The following EMILIN2 variants were observed in gnomAD, a reference collection of about 807,000 sequenced individuals.
EMILIN2 encodes elastin microfibril interfacer 2, also known as EMILIN-2.
EMILIN2 carries 71 observed loss-of-function variants against 87.1 expected under a neutral mutation model. The observed-to-expected ratio is 0.82, with a 90% confidence interval of 0.67 to 0.99. The LOEUF (loss-of-function observed/expected upper bound fraction) is 0.99, where lower values mean the gene tolerates loss of function less well. Among genes scored for constraint, EMILIN2 ranks in the 50% least tolerant of loss-of-function variants. The pLI is 0.00. For missense variants in EMILIN2, 1,407 were observed against 1,371.8 expected, an observed-to-expected ratio of 1.03 and a Z score of -0.40; for synonymous variants, 581 against 563.4, an observed-to-expected ratio of 1.03 and a Z score of -0.44.
Position 2,890,214 on chromosome 18 carries a change from C to G in EMILIN2, c.434-347C>G, listed in dbSNP as rs938111374. Among the ~76,000 whole-genome samples, 2 of 151,998 alleles carry G rather than the reference C, an allele frequency of 1.3e-5. No individual in the cohort carries two copies. The highest frequency in any genetic ancestry group is 6.6e-5 in the Admixed American group (1 of 15,248). ...GATAAAGCGGATAATGAATATTTCC[C>G]CTCAGGGTGAAAGAGACCATTGATT... On this transcript the variant is annotated intron_variant, in intron 3 of 7. Transcript: ENST00000254528. The surrounding 1 kb of genome is among the most constrained non-coding windows in gnomAD (Gnocchi z 4.7).
At position 2,848,021 on chromosome 18, in the gene EMILIN2, C is replaced by A; in HGVS notation, c.257+90C>A. 7.2e-7 allele frequency: 1 copy of A among 1,385,340 alleles called. No individual in the cohort carries two copies. The highest frequency in any genetic ancestry group is 1.4e-5 in the South Asian group (1 of 69,498). 85.8% of individuals were successfully genotyped at this position (1,385,340 alleles called of 1,614,324 possible). On this transcript the variant is annotated intron_variant, in intron 2 of 7. Coordinates refer to ENST00000254528, the MANE Select transcript of EMILIN2 (RefSeq NM_032048.3). This position sits in a 1 kb window ranked among gnomAD's most constrained non-coding sequence, Gnocchi z 4.1. ...GTTGCTGCGCTGGGCTCCAGTCCCT[C>A]CGGTAAATCCCTTCCAGATCCGGTG... is the stretch of plus-strand genomic sequence containing the variant.
Position 2,907,155 on chromosome 18 carries a change from G to C in EMILIN2, c.2662+70G>C, listed in dbSNP as rs893897291. 5 of 1,218,794 alleles carry C rather than the reference G, an allele frequency of 4.1e-6. No homozygotes were observed. In the African/African-American group the frequency reaches 7.8e-5, roughly 19 times the overall value. 75.5% of individuals were successfully genotyped at this position (1,218,794 alleles called of 1,614,324 possible). On this transcript the variant is annotated intron_variant, in intron 5 of 7. Coordinates refer to ENST00000254528, the MANE Select transcript of EMILIN2 (RefSeq NM_032048.3). The stretch of plus-strand genomic sequence containing the variant: ...AACTTCCGCCTGAGCCTCGGGGTCT[G>C]CTGAGGGGCGTGGCGGTTCGGGGTC...
Position 2,847,930 on chromosome 18 carries a change from G to C in EMILIN2, c.256G>C (p.Val86Leu). ...WNQMPCPSALVYRVNFRPRYV... is the reference protein window; with the variant it reads ...WNQMPCPSALLYRVNFRPRYV... ...CCAGATGCCCTGTCCGTCGGCGCTG[G>C]TGTAAGTCCTGGAGCCGGGGAGCGG... Residue 86 changes from valine to leucine, a missense_variant and splice_region_variant, in exon 2 of 8, where the codon GTG becomes CTG. Val to Leu is a conservative substitution (Grantham distance 32). Transcript: ENST00000254528. The surrounding 1 kb of genome is among the most constrained non-coding windows in gnomAD (Gnocchi z 4.5). The C allele has an allele frequency of 6.2e-7, 1 of 1,609,756 alleles. No individual in the cohort carries two copies. The highest frequency in any genetic ancestry group is 8.5e-7 in the Non-Finnish European group (1 of 1,179,066).
intron 2 of EMILIN2, among the ~76,000 whole-genome samples, chr18:2,857,257 C>T (rs1165637369): frequency 6.6e-6 from 1 of 152,010 alleles, no homozygotes; most frequent in African/African-American, 2.4e-5. Context: ...GAAGAATTTG[C>T]TGAGACTTTG....
Position 2,866,607 on chromosome 18 carries a change from AG to A in EMILIN2, c.258-18354del, listed in dbSNP as rs572488238. Reference sequence around the variant, plus strand: ...TCTAGGAGCTTTTTGGAGGAGTTTTAGGGTTTTCTACGTATATAATCATATC... The same window carrying A: ...TCTAGGAGCTTTTTGGAGGAGTTTTAGGTTTTCTACGTATATAATCATATC... On this transcript the variant is annotated intron_variant, in intron 2 of 7. Coordinates refer to ENST00000254528, the MANE Select transcript of EMILIN2 (RefSeq NM_032048.3). Among the ~76,000 whole-genome samples the A allele has an allele frequency of 2.0e-3, 308 of 152,298 alleles. 2 individuals are homozygous for A. Among genetic ancestry groups the A allele is most frequent in the Middle Eastern group, 6.8e-3 (2 of 294 alleles).
rs777623155 is a variant in EMILIN2, at chr18:2,869,786, T to TTGTGTGTGTG, written c.258-15160_258-15151dup. On this transcript the variant is annotated intron_variant, in intron 2 of 7. Coordinates refer to ENST00000254528, the MANE Select transcript of EMILIN2 (RefSeq NM_032048.3). ...GATTCCTCTGTGTGTGTGTGTGTGTTTGTGTGTGTGTGTGTGTGTGTGTGT... is the reference window on the plus strand; with the variant it reads ...GATTCCTCTGTGTGTGTGTGTGTGTTTGTGTGTGTGTGTGTGTGTGTGTGTGTGTGTGTGT... Among the ~76,000 whole-genome samples the TTGTGTGTGTG allele has an allele frequency of 7.0e-3, 417 of 59,152 alleles. 3 individuals carry two copies. Among genetic ancestry groups the TTGTGTGTGTG allele is most frequent in the African/African-American group, 0.023 (396 of 16,898 alleles). 38.8% of individuals were successfully genotyped at this position (59,152 alleles called of 152,430 possible).
At position 2,913,138 on chromosome 18, in the gene EMILIN2, G is replaced by T. The variant is rs368956752; in HGVS notation, c.2896G>T (p.Val966Leu). ...CCTCACCCCCGAGAGAGACGCCTAC[G>T]TGGAAGCAGTGCTGTCGGTCTCCAA... Reference protein sequence around the residue: ...ATLTPERDAYVEAVLSVSNAS... With the variant: ...ATLTPERDAYLEAVLSVSNAS... The change falls in exon 8 of 8, where the codon GTG (valine) becomes TTG (leucine). Residue 966 changes from valine to leucine, a missense_variant. Transcript: ENST00000254528. 6.2e-7 allele frequency: 1 copy of T among 1,613,930 alleles called. No homozygotes were observed. The highest frequency in any genetic ancestry group is 8.5e-7 in the Non-Finnish European group (1 of 1,180,016).
chr18:2,900,521 G>A (rs776231625), intron 4 of EMILIN2, among the ~76,000 whole-genome samples: 2 of 152,242 alleles, frequency 1.3e-5, no homozygotes, highest in Non-Finnish European at 2.9e-5. Context: ...TCGACTTGGA[G>A]TAGAACTATT....
intron 5 of EMILIN2, among the ~76,000 whole-genome samples, chr18:2,907,530 TGAG>T (rs1216238066): frequency 2.6e-5 from 4 of 152,042 alleles, no homozygotes; most frequent in South Asian, 2.1e-4. Flanking sequence ...AACCACAAAA[TGAG>T]GAGAGTGCAG....
At position 2,885,030 on chromosome 18, in the gene EMILIN2, G is replaced by T. The variant is rs945207366; in HGVS notation, c.324G>T (p.Arg108Ser). 3.1e-6 allele frequency: 5 copies of T among 1,613,748 alleles called. No individual in the cohort carries two copies. The highest frequency in any genetic ancestry group is 2.7e-5 in the African/African-American group (2 of 74,940). Residue 108 changes from arginine (R) to serine (S), a missense_variant, in exon 3 of 8, where the codon AGG (arginine) becomes AGT (serine). Arg to Ser is a moderately radical substitution (Grantham distance 110, BLOSUM62 -1). Coordinates refer to ENST00000254528, the MANE Select transcript of EMILIN2 (RefSeq NM_032048.3). ...AGACAGTGACACAGTTGGAATGGAGGTGCTGTCCTGGCTTTAGAGGGGGAG... is the reference window on the plus strand; with the variant it reads ...AGACAGTGACACAGTTGGAATGGAGTTGCTGTCCTGGCTTTAGAGGGGGAG... Reference protein sequence around the residue: ...RYKTVTQLEWRCCPGFRGGDC... With the variant: ...RYKTVTQLEWSCCPGFRGGDC...
Position 2,847,701 on chromosome 18 carries a change from G to A in EMILIN2, c.135-108G>A. 3.4e-6 allele frequency: 5 copies of A among 1,467,392 alleles called. No homozygotes were observed. The highest frequency in any genetic ancestry group is 4.5e-6 in the Non-Finnish European group (5 of 1,111,364). The allele number at this position is 1,467,392 out of a possible 1,614,324, so 90.9% of individuals were successfully genotyped here. A position where few individuals can be genotyped will look rare whatever the true frequency, so the allele number is the denominator to read the frequency against. On this transcript the variant is annotated intron_variant, in intron 1 of 7. Transcript: ENST00000254528. The surrounding 1 kb of genome is among the most constrained non-coding windows in gnomAD (Gnocchi z 4.5). The stretch of plus-strand genomic sequence containing the variant: ...AGCTCCCGCCTCCGCAGAGGGCGAC[G>A]GGCCCCCCCGACCCTCGCTCGGTCT...
intron 4 of EMILIN2, among the ~76,000 whole-genome samples, chr18:2,902,878 C>CCG (rs565012960): frequency 6.7e-4 from 102 of 152,168 alleles, no homozygotes; most frequent in African/African-American, 2.3e-3. Context: ...AAACAGGACT[C>CCG]TGTGCCTGGA....
chr18:2,900,644 G>A (rs1598503601), intron 4 of EMILIN2, among the ~76,000 whole-genome samples: 1 of 147,924 alleles, frequency 6.8e-6, no homozygotes, highest in African/African-American at 2.5e-5. Context: ...CTGTTTCTTC[G>A]AAAAAGCCCC....
At chr18:2,874,651 C>T (rs2076738577) in intron 2 of EMILIN2, among the ~76,000 whole-genome samples, 1 of 152,134 alleles carries the variant, frequency 6.6e-6, no homozygotes, top group Non-Finnish European at 1.5e-5. Context: ...CATAGTAATA[C>T]TGTGTTAGCC....
At chr18:2,897,616 A>C (rs1454736936) in intron 4 of EMILIN2, among the ~76,000 whole-genome samples, 1 of 152,194 alleles carries the variant, frequency 6.6e-6, no homozygotes, top group East Asian at 1.9e-4. Flanking sequence ...CTGTAATCCC[A>C]ACACTTTGGG....
At chr18:2,889,288 C>T (rs1234983873) in intron 3 of EMILIN2, among the ~76,000 whole-genome samples, 1 of 151,908 alleles carries the variant, frequency 6.6e-6, no homozygotes, top group Non-Finnish European at 1.5e-5. Context: ...CAGGCACCAG[C>T]CACCACACCT....
chr18:2,891,323 G>C lies in EMILIN2; in HGVS notation c.1196G>C (p.Ser399Thr), dbSNP rs1393049384. Residue 399 changes from serine to threonine, a missense_variant, in exon 4 of 8, where the codon AGT becomes ACT. Ser to Thr is a moderately conservative substitution (Grantham distance 58). Coordinates refer to ENST00000254528, the MANE Select transcript of EMILIN2 (RefSeq NM_032048.3). The surrounding 1 kb of genome is among the most constrained non-coding windows in gnomAD (Gnocchi z 4.6). ...TCAGCCCAGGCAAATTGCTGCGACA[G>C]TGAAAAGAATGGTGACATTGGTCAA... ...EPSAQANCCD[S>T]EKNGDIGQQI... is the part of the protein sequence containing the mutation. 6.2e-7 allele frequency: 1 copy of C among 1,614,102 alleles called. No individual in the cohort carries two copies. Among genetic ancestry groups the C allele is most frequent in the African/African-American group, 1.3e-5 (1 of 74,938 alleles).
intron 3 of EMILIN2, 23 bp downstream of exon 3, chr18:2,885,162 A>C: frequency 6.4e-7 from 1 of 1,557,018 alleles, no homozygotes; most frequent in Non-Finnish European, 8.7e-7. Context: ...TTGTGCTATT[A>C]TGTATGGCCA....
chr18:2,872,064 C>T (rs2076722475), intron 2 of EMILIN2, among the ~76,000 whole-genome samples: 1 of 152,124 alleles, frequency 6.6e-6, no homozygotes, highest in South Asian at 2.1e-4. Flanking sequence ...GGGACTAGTG[C>T]ACCTCAGTTG....
Sources: gnomAD v4.1 joint callset for allele counts (sites outside exome capture counted in the v4.1 genomes callset) on GRCh38, gnomAD v4.1.1 for gene constraint, Gnocchi (gnomAD v3.1) non-coding constraint, MANE v1.5 for transcripts, NCBI Gene and HGNC (gene_info 2026-07-23, HGNC 2026-07-21) for gene names.